The following COL13A1 variants were observed in gnomAD, a reference collection of about 807,000 sequenced individuals.
COL13A1 encodes collagen alpha-1(XIII) chain.
COL13A1 carries 89 observed loss-of-function variants against 130.9 expected under a neutral mutation model. The observed-to-expected ratio is 0.68, with a 90% CI of 0.57 to 0.81. The LOEUF (loss-of-function observed/expected upper bound fraction) is 0.81, where lower values mean the gene tolerates loss of function less well. Among genes scored for constraint, COL13A1 ranks in the 30% least tolerant of loss-of-function variants. COL13A1 has a pLI of 0.00. For synonymous variants in COL13A1, 402 were observed against 341.6 expected, an observed-to-expected ratio of 1.18 and a Z score of -1.95; for missense variants, 879 against 934.6, an observed-to-expected ratio of 0.94 and a Z score of 0.78.
At chr10:69,877,971 C>T in intron 5 of COL13A1, 68 bp from the exon 6 acceptor site, 1 of 692,882 alleles carries the variant, frequency 1.4e-6, no homozygotes, top group Non-Finnish European at 2.6e-6. Context: ...GTGCCTCTTT[C>T]TCATCCCCTC....
intron 7 of COL13A1, among the ~76,000 whole-genome samples, chr10:69,883,291 G>A (rs2060315673): frequency 6.6e-6 from 1 of 152,162 alleles, no homozygotes; most frequent in Non-Finnish European, 1.5e-5. Flanking sequence ...CAGAGGATCT[G>A]CCAGTCCTAG....
chr10:69,917,238 A>T, intron 17 of COL13A1, 51 bp from the exon 18 acceptor site: 1 of 1,608,672 alleles, frequency 6.2e-7, no homozygotes, highest in Non-Finnish European at 8.5e-7. Flanking sequence ...TTGCAGGCTG[A>T]CAGGCCCCGA....
At chr10:69,919,833 G>A in intron 21 of COL13A1, 106 bp downstream of exon 21, 1 of 398,096 alleles carries the variant, frequency 2.5e-6, no homozygotes, top group Non-Finnish European at 4.4e-6. Flanking sequence ...GCGTGCTGTT[G>A]GTGCATGTGT....
intron 36 of COL13A1, among the ~76,000 whole-genome samples, chr10:69,945,081 A>G (rs1312713871): frequency 6.6e-6 from 1 of 151,768 alleles, no homozygotes; most frequent in African/African-American, 2.4e-5. Flanking sequence ...GTCTTTCTAT[A>G]TCAGCTCTTC....
chr10:69,888,247 C>T, intron 8 of COL13A1, 57 bp from the exon 9 acceptor site: 1 of 1,603,322 alleles, frequency 6.2e-7, no homozygotes, highest in Non-Finnish European at 8.5e-7. Context: ...CCCAGGCAGC[C>T]TCTTTGGCAG....
At chr10:69,805,032 C>T (rs927406475) in intron 1 of COL13A1, among the ~76,000 whole-genome samples, 1 of 152,012 alleles carries the variant, frequency 6.6e-6, no homozygotes, top group Non-Finnish European at 1.5e-5. Context: ...AACGGAACAG[C>T]CTTTGAGGCT....
intron 38 of COL13A1, among the ~76,000 whole-genome samples, chr10:69,950,783 C>T (rs1278793473): frequency 6.6e-6 from 1 of 152,142 alleles, no homozygotes; most frequent in Admixed American, 6.6e-5. Context: ...AGTTGCAGAC[C>T]ACCTCTGAAA....
intron 14 of COL13A1, among the ~76,000 whole-genome samples, chr10:69,902,359 A>G (rs2062272496): frequency 6.6e-6 from 1 of 152,294 alleles, no homozygotes; most frequent in South Asian, 2.1e-4. Context: ...GTGCCTCGCC[A>G]CACAGGGAGG....
intron 5 of COL13A1, among the ~76,000 whole-genome samples, chr10:69,875,875 C>T (rs924737712): frequency 3.3e-5 from 5 of 152,220 alleles, no homozygotes; most frequent in Non-Finnish European, 7.3e-5. Flanking sequence ...ACAGTGGCCT[C>T]AGCCACTCTC....
chr10:69,913,486 G>A (rs2063593245), intron 17 of COL13A1, among the ~76,000 whole-genome samples: 1 of 152,162 alleles, frequency 6.6e-6, no homozygotes, highest in Admixed American at 6.5e-5. Context: ...ACCTAGGAGG[G>A]GAATTAGAAA....
chr10:69,879,271 A>C (rs185017138), intron 6 of COL13A1: 1 of 152,240 alleles, frequency 6.6e-6, no homozygotes, highest in Non-Finnish European at 1.5e-5. Flanking sequence ...CCACATTGGC[A>C]TGAGGCTAAA....
intron 14 of COL13A1, among the ~76,000 whole-genome samples, chr10:69,899,206 G>C (rs979182125): frequency 6.6e-6 from 1 of 152,226 alleles, no homozygotes; most frequent in Non-Finnish European, 1.5e-5. Flanking sequence ...GTCATTTGGG[G>C]CAAGTTACTT....
At chr10:69,857,831 T>G (rs1036185662) in intron 2 of COL13A1, among the ~76,000 whole-genome samples, 3 of 152,130 alleles carry the variant, frequency 2.0e-5, no homozygotes, top group African/African-American at 7.2e-5. Flanking sequence ...GACTGGCGCC[T>G]GGTTGGCTGG....
intron 39 of COL13A1, 53 bp from the exon 40 acceptor site, chr10:69,956,951 T>G: frequency 6.6e-7 from 1 of 1,513,916 alleles, no homozygotes; most frequent in East Asian, 2.3e-5. Flanking sequence ...TCCTGCCCAC[T>G]TGGTGGACCA....
Position 69,918,424 on chromosome 10 carries a change from G to T in COL13A1, c.999+107G>T, listed in dbSNP as rs958454996. On this transcript the variant is annotated intron_variant, in intron 19 of 40. Coordinates refer to ENST00000645393, the MANE Select transcript of COL13A1 (RefSeq NM_001368882.1). ...TGGGGTGGCTGCCAGACCAATGAGG[G>T]GGCATACAGGATTTGGAAACATTTT... The T allele has an allele frequency of 1.6e-5, 17 of 1,064,190 alleles. No individual in the cohort carries two copies. The African/African-American group carries it at 2.5e-4, about 16-fold the overall frequency. The allele number at this position is 1,064,190 out of a possible 1,614,324, so 65.9% of individuals were successfully genotyped here.
At chr10:69,894,841 G>C in intron 12 of COL13A1, 140 bp downstream of exon 12, 4 of 1,153,688 alleles carry the variant, frequency 3.5e-6, no homozygotes. Flanking sequence ...CCGCATAATA[G>C]ATTCGGTTGA....
chr10:69,913,028 CA>C (rs2135418567), intron 17 of COL13A1, among the ~76,000 whole-genome samples: 1 of 152,324 alleles, frequency 6.6e-6, no homozygotes, highest in Admixed American at 6.5e-5. Flanking sequence ...GCCTCAAAAT[CA>C]GGGATGGGAC....
chr10:69,918,956 C>T (rs572384539), intron 19 of COL13A1, 106 bp from the exon 20 acceptor site: 5 of 1,362,444 alleles, frequency 3.7e-6, no homozygotes, highest in East Asian at 4.6e-5. Flanking sequence ...AGATGTTTCA[C>T]TAACCCCACC....
chr10:69,828,035 G>T (rs1668525625), intron 2 of COL13A1, among the ~76,000 whole-genome samples: 1 of 152,168 alleles, frequency 6.6e-6, no homozygotes, highest in South Asian at 2.1e-4. Flanking sequence ...TTATTTTAGG[G>T]AGAATATTTA....
Sources: allele counts gnomAD v4.1 joint callset (sites outside exome capture counted in the v4.1 genomes callset), GRCh38; gene constraint gnomAD v4.1.1; transcripts MANE v1.5; gene names NCBI Gene and HGNC (gene_info 2026-07-23, HGNC 2026-07-21).